The following NKAIN3 variants were observed in gnomAD, a reference collection of about 807,000 sequenced individuals.
NKAIN3 encodes sodium/potassium-transporting ATPase subunit beta-1-interacting protein 3.
NKAIN3 carries 25 observed loss-of-function variants against 30.2 expected under a neutral mutation model. The observed-to-expected ratio is 0.83, with a 90% CI of 0.60 to 1.16. The LOEUF (loss-of-function observed/expected upper bound fraction) is 1.16. Ranked by LOEUF, NKAIN3 falls within the 50% of genes most tolerant of loss-of-function variation. The pLI is 0.00. For synonymous variants in NKAIN3, 91 were observed against 89.6 expected (o/e 1.02, Z -0.09); for missense variants, 225 against 254.1 (o/e 0.89, Z 0.78).
At chr8:62,847,583 C>G (rs1170624598) in intron 4 of NKAIN3, among the ~76,000 whole-genome samples, 1 of 151,920 alleles carries the variant, frequency 6.6e-6, no homozygotes, top group East Asian at 1.9e-4. Context: ...GGATATCAGC[C>G]CTTTGTCAGA....
intron 5 of NKAIN3, among the ~76,000 whole-genome samples, chr8:62,920,978 G>A (rs375363998): frequency 1.3e-5 from 2 of 152,150 alleles, no homozygotes; most frequent in Non-Finnish European, 1.5e-5. Context: ...TAATTAAGTT[G>A]TCCCAGGGTC....
chr8:62,769,523 C>T (rs1286267085), intron 4 of NKAIN3, among the ~76,000 whole-genome samples: 1 of 152,160 alleles, frequency 6.6e-6, no homozygotes, highest in African/African-American at 2.4e-5. Context: ...AAAAAATTCA[C>T]CAATGAATTG....
chr8:62,601,690 A>G (rs1810987947), intron 3 of NKAIN3, among the ~76,000 whole-genome samples: 3 of 152,052 alleles, frequency 2.0e-5, no homozygotes, highest in Admixed American at 2.0e-4. Context: ...AATCATCACA[A>G]TCTGCTTCCA....
intron 3 of NKAIN3, among the ~76,000 whole-genome samples, chr8:62,721,235 G>A (rs1344355674): frequency 6.6e-6 from 1 of 152,114 alleles, no homozygotes; most frequent in Non-Finnish European, 1.5e-5. Context: ...TTTTGCTGAA[G>A]ACTGCCTCAA....
intron 1 of NKAIN3, among the ~76,000 whole-genome samples, chr8:62,382,623 T>C (rs1227106859): frequency 6.6e-6 from 1 of 152,160 alleles, no homozygotes; most frequent in African/African-American, 2.4e-5. Context: ...AATATTTAAT[T>C]ATTGGAACCC....
At chr8:62,611,572 T>C (rs1198516054) in intron 3 of NKAIN3, among the ~76,000 whole-genome samples, 3 of 152,154 alleles carry the variant, frequency 2.0e-5, no homozygotes, top group Non-Finnish European at 4.4e-5. Context: ...TTATTTCCCT[T>C]AACATGATGA....
At chr8:62,627,139 G>A (rs1811815453) in intron 3 of NKAIN3, among the ~76,000 whole-genome samples, 1 of 152,138 alleles carries the variant, frequency 6.6e-6, no homozygotes, top group African/African-American at 2.4e-5. Flanking sequence ...GAGAAGTTCG[G>A]TGTTCAAGTT....
chr8:62,545,112 C>T (rs1808965285), intron 1 of NKAIN3, among the ~76,000 whole-genome samples: 1 of 152,050 alleles, frequency 6.6e-6, no homozygotes, highest in Admixed American at 6.6e-5. Flanking sequence ...CCATGCAGCT[C>T]AAACCCATGT....
intron 4 of NKAIN3, chr8:62,855,918 C>G (rs547380471): frequency 9.3e-6 from 7 of 756,346 alleles, no homozygotes. Context: ...TGTGTATCTG[C>G]GTGATGCTAC....
intron 5 of NKAIN3, among the ~76,000 whole-genome samples, chr8:62,951,488 T>C (rs1823283644): frequency 6.6e-6 from 1 of 152,202 alleles, no homozygotes; most frequent in Non-Finnish European, 1.5e-5. Context: ...GATCTGAGTT[T>C]GTTTCCCAAG....
At chr8:62,339,965 G>T (rs895596960) in intron 1 of NKAIN3, among the ~76,000 whole-genome samples, 2 of 151,964 alleles carry the variant, frequency 1.3e-5, no homozygotes, top group African/African-American at 2.4e-5. Flanking sequence ...AGGACAAGTA[G>T]GGATTTATAT....
intron 1 of NKAIN3, among the ~76,000 whole-genome samples, chr8:62,424,380 T>C (rs1804736718): frequency 6.6e-6 from 1 of 151,542 alleles, no homozygotes; most frequent in East Asian, 1.9e-4. Flanking sequence ...TGGAGGAAAA[T>C]ATATGTAAAC....
At chr8:62,849,352 C>G (rs1261831873) in intron 4 of NKAIN3, among the ~76,000 whole-genome samples, 2 of 142,790 alleles carry the variant, frequency 1.4e-5, no homozygotes, top group African/African-American at 5.2e-5. Context: ...AATTTCAGAA[C>G]TCTCTATTGG....
chr8:62,870,087 A>T (rs924161665), intron 4 of NKAIN3, among the ~76,000 whole-genome samples: 1 of 150,770 alleles, frequency 6.6e-6, no homozygotes, highest in African/African-American at 2.4e-5. Flanking sequence ...CCTTTCTTTG[A>T]GGCTTTTGGA....
At chr8:62,362,610 A>G (rs1422612262) in intron 1 of NKAIN3, among the ~76,000 whole-genome samples, 1 of 152,238 alleles carries the variant, frequency 6.6e-6, no homozygotes, top group East Asian at 1.9e-4. Flanking sequence ...GAAGGACACC[A>G]CAAGGTAGTG....
intron 1 of NKAIN3, among the ~76,000 whole-genome samples, chr8:62,373,690 T>A (rs535318497): frequency 1.2e-4 from 18 of 152,300 alleles, no homozygotes; most frequent in African/African-American, 4.1e-4. Context: ...AAGTTACACA[T>A]CTATTGCACT....
At chr8:62,794,857 T>G (rs143151900) in intron 4 of NKAIN3, among the ~76,000 whole-genome samples, 1 of 152,292 alleles carries the variant, frequency 6.6e-6, no homozygotes, top group African/African-American at 2.4e-5. Context: ...AGCACAGCAC[T>G]AGCTGTCTCT....
At chr8:62,349,470 T>C (rs1816115267) in intron 1 of NKAIN3, among the ~76,000 whole-genome samples, 1 of 152,204 alleles carries the variant, frequency 6.6e-6, no homozygotes, top group African/African-American at 2.4e-5. Flanking sequence ...TAGTAATTTG[T>C]ATACATTTAG....
chr8:62,328,679 C>T (rs1215195506), intron 1 of NKAIN3, among the ~76,000 whole-genome samples: 1 of 152,066 alleles, frequency 6.6e-6, no homozygotes, highest in Non-Finnish European at 1.5e-5. Flanking sequence ...AGATATTTTA[C>T]CTCTCTACAT....
Sources: gnomAD v4.1 joint callset for allele counts (sites outside exome capture counted in the v4.1 genomes callset) on GRCh38, gnomAD v4.1.1 for gene constraint, MANE v1.5 for transcripts, NCBI Gene and HGNC (gene_info 2026-07-23, HGNC 2026-07-21) for gene names.